The following NFIL3 variants were observed in gnomAD, a reference collection of about 807,000 sequenced individuals.
NFIL3 encodes nuclear factor, interleukin 3 regulated, also known as nuclear factor interleukin-3-regulated protein.
A neutral mutation model predicts 10.0 loss-of-function variants in NFIL3; 5 were observed. The ratio of observed to expected loss-of-function variants is 0.50; its 90% CI spans 0.26 to 1.06. The LOEUF (loss-of-function observed/expected upper bound fraction) is 1.06, where lower values mean the gene tolerates loss of function less well. NFIL3 is among the 50% of genes least tolerant of loss of function. The pLI, the probability that NFIL3 is intolerant of heterozygous loss-of-function variation, is 0.13. For synonymous variants in NFIL3, 202 were observed against 206.5 expected, an observed-to-expected ratio of 0.98 and a Z score of 0.19; for missense variants, 436 against 547.6, an observed-to-expected ratio of 0.80 and a Z score of 2.03.
At chr9:91,448,300 C>A in the NFIL3 span, among the ~76,000 whole-genome samples, 1 of 152,138 alleles carries the variant, frequency 6.6e-6, no homozygotes, top group Non-Finnish European at 1.5e-5. Context: ...AAAAGGCCAA[C>A]ATTAAACAGT....
chr9:91,427,807 A>AT (rs1179527772), upstream of NFIL3, among the ~76,000 whole-genome samples: 1 of 151,744 alleles, frequency 6.6e-6, no homozygotes, highest in Non-Finnish European at 1.5e-5. Context: ...TGCCTGGCTA[A>AT]TTTTTTAATT....
chr9:91,421,191 G>A (rs1833757437), intron 1 of NFIL3, among the ~76,000 whole-genome samples: 1 of 151,648 alleles, frequency 6.6e-6, no homozygotes, highest in African/African-American at 2.4e-5. Flanking sequence ...CGGAGACGCA[G>A]GCGCTCCGGG....
chr9:91,446,256 G>A, the NFIL3 span, among the ~76,000 whole-genome samples: 1 of 152,144 alleles, frequency 6.6e-6, no homozygotes, highest in African/African-American at 2.4e-5. Context: ...TCCTTACTGG[G>A]CGACCAGTTG....
chr9:91,427,251 G>C (rs2118072067), upstream of NFIL3: 1 of 152,224 alleles, frequency 6.6e-6, no homozygotes, highest in Non-Finnish European at 1.5e-5. Flanking sequence ...AAAGACTGCA[G>C]GACTTACCTA....
At chr9:91,470,169 T>C in the NFIL3 span, among the ~76,000 whole-genome samples, 1 of 152,052 alleles carries the variant, frequency 6.6e-6, no homozygotes, top group South Asian at 2.1e-4. Context: ...CCTGGACTTT[T>C]TTTGGTTGGT....
the NFIL3 span, among the ~76,000 whole-genome samples, chr9:91,469,027 G>T: frequency 1.3e-5 from 2 of 152,072 alleles, no homozygotes; most frequent in Admixed American, 6.6e-5. Context: ...CTCTTTTTTG[G>T]TTCCATATGA....
chr9:91,446,557 CA>C, the NFIL3 span, among the ~76,000 whole-genome samples: 6 of 152,156 alleles, frequency 3.9e-5, no homozygotes, highest in Non-Finnish European at 4.4e-5. Context: ...TCACTATTTC[CA>C]AAACCATTTT....
chr9:91,435,315 A>G, the NFIL3 span, among the ~76,000 whole-genome samples: 1 of 152,166 alleles, frequency 6.6e-6, no homozygotes, highest in African/African-American at 2.4e-5. Context: ...AAACTCCAAC[A>G]TCTCTATGAC....
At chr9:91,421,361 C>G (rs1833763075) in intron 1 of NFIL3, among the ~76,000 whole-genome samples, 1 of 151,962 alleles carries the variant, frequency 6.6e-6, no homozygotes, top group Admixed American at 6.6e-5. Flanking sequence ...CACGCGGCGC[C>G]TCCCAGAGAC....
intron 1 of NFIL3, among the ~76,000 whole-genome samples, chr9:91,416,290 C>A (rs1342493723): frequency 6.6e-6 from 1 of 152,094 alleles, no homozygotes; most frequent in Non-Finnish European, 1.5e-5. Context: ...CAAGACCACA[C>A]AGCAGTTGGG....
chr9:91,466,297 A>G, the NFIL3 span, among the ~76,000 whole-genome samples: 1 of 152,186 alleles, frequency 6.6e-6, no homozygotes, highest in Admixed American at 6.5e-5. Flanking sequence ...GACCCTTCTG[A>G]ATGAAGGTTA....
the NFIL3 span, among the ~76,000 whole-genome samples, chr9:91,474,510 T>G: frequency 5.3e-5 from 8 of 152,308 alleles, no homozygotes; most frequent in East Asian, 3.9e-4. Context: ...CTTCCTATTT[T>G]GGGGCAATGG....
At chr9:91,413,872 C>G (rs938741152) in intron 1 of NFIL3, among the ~76,000 whole-genome samples, 2 of 151,708 alleles carry the variant, frequency 1.3e-5, no homozygotes, top group Admixed American at 1.3e-4. Context: ...ACCTGAGAAT[C>G]TTTCTCTTCC....
At position 91,410,000 on chromosome 9, in the gene NFIL3, T is replaced by C. The variant is rs535111509; in HGVS notation, c.735A>G (p.Gln245=). The C allele has an allele frequency of 5.6e-6, 9 of 1,613,230 alleles. No homozygotes were observed. The South Asian group carries it at 7.7e-5, about 14-fold the overall frequency. The change falls in exon 2 of 2, where the codon CAA becomes CAG. Residue 245 remains glutamine (Q), a synonymous_variant. Coordinates refer to ENST00000297689, the MANE Select transcript of NFIL3 (RefSeq NM_005384.3). ...DRGSYTASIY[Q]NYMGNSFSGY... ...CAGAGAAAGAATTCCCCATATAGTT[T>C]TGATAGATGGACGCTGTGTAAGAGC... is the stretch of plus-strand genomic sequence containing the variant.
At chr9:91,473,352 TG>T in the NFIL3 span, among the ~76,000 whole-genome samples, 2 of 152,226 alleles carry the variant, frequency 1.3e-5, no homozygotes, top group Admixed American at 6.5e-5. Context: ...TGAGCTGTGG[TG>T]GGCTCCACCC....
the NFIL3 span, among the ~76,000 whole-genome samples, chr9:91,461,001 A>T: frequency 6.6e-6 from 1 of 152,306 alleles, no homozygotes; most frequent in Non-Finnish European, 1.5e-5. Context: ...AATGAGTAAG[A>T]CGCTTTTGTC....
chr9:91,462,233 A>G, the NFIL3 span, among the ~76,000 whole-genome samples: 1 of 152,038 alleles, frequency 6.6e-6, no homozygotes, highest in East Asian at 1.9e-4. Flanking sequence ...ACCTGCTATG[A>G]CTGTCAATAC....
chr9:91,419,556 C>T (rs1833719281), intron 1 of NFIL3, among the ~76,000 whole-genome samples: 1 of 152,198 alleles, frequency 6.6e-6, no homozygotes. Flanking sequence ...TGTGAGAATA[C>T]ACTTTGTTGA....
chr9:91,423,535 GACCCCGCACACAGCGCGGCCCGC>G (rs1055929706), intron 1 of NFIL3, 82 bp downstream of exon 1: 6 of 150,538 alleles, frequency 4.0e-5, no homozygotes, highest in South Asian at 1.9e-4. Context: ...CTTACAGCCC[GACCCCGCACACAGCGCGGCCCGC>G]ACCCCGCGCC....
Sources: gnomAD v4.1 joint callset for allele counts (sites outside exome capture counted in the v4.1 genomes callset) on GRCh38, gnomAD v4.1.1 for gene constraint, MANE v1.5 for transcripts, NCBI Gene and HGNC (gene_info 2026-07-23, HGNC 2026-07-21) for gene names.